DCAF6: variants seen among roughly 807,000 people sequenced by gnomAD.
DCAF6 encodes DDB1- and CUL4-associated factor 6.
DCAF6 carries 54 observed loss-of-function variants against 125.1 expected under a neutral mutation model. The observed-to-expected ratio is 0.43, with a 90% CI of 0.35 to 0.54. The LOEUF (loss-of-function observed/expected upper bound fraction) is 0.54. DCAF6 is among the 20% of genes least tolerant of loss of function. The pLI is 0.01. For synonymous variants in DCAF6, 371 were observed against 390.4 expected, an observed-to-expected ratio of 0.95 and a Z score of 0.58; for missense variants, 934 against 1,161.7, an observed-to-expected ratio of 0.80 and a Z score of 2.85.
At chr1:167,897,619 G>GAA in the DCAF6 span, among the ~76,000 whole-genome samples, 3,474 of 4,096 alleles carry the variant, frequency 0.85, 1,426 homozygotes, top group South Asian at 0.91. Flanking sequence ...GACAACATCG[G>GAA]CTGGCAACTC....
chr1:168,014,736 A>C (rs959041071), intron 10 of DCAF6, among the ~76,000 whole-genome samples: 3 of 152,184 alleles, frequency 2.0e-5, no homozygotes, highest in Admixed American at 2.0e-4. Context: ...TGTATTGCAC[A>C]TTCCTATATG....
At chr1:168,067,166 T>C (rs1692444300) in intron 20 of DCAF6, among the ~76,000 whole-genome samples, 2 of 152,226 alleles carry the variant, frequency 1.3e-5, no homozygotes, top group South Asian at 4.1e-4. Context: ...GTTAGTAAGT[T>C]GGAAAACCAC....
the DCAF6 span, chr1:167,905,206 G>T: frequency 6.5e-7 from 1 of 1,549,968 alleles, no homozygotes. Context: ...CTTCTAAAAA[G>T]AAAATTGAAA....
chr1:168,021,978 G>T (rs929223522), intron 11 of DCAF6, among the ~76,000 whole-genome samples: 5 of 152,102 alleles, frequency 3.3e-5, no homozygotes, highest in African/African-American at 1.2e-4. Flanking sequence ...ATTCTTATTG[G>T]TTGGGGAGAG....
intron 16 of DCAF6, 32 bp from the exon 17 acceptor site, chr1:168,050,856 TGTAA>T: frequency 8.1e-7 from 1 of 1,228,364 alleles, no homozygotes; most frequent in Non-Finnish European, 1.1e-6. Context: ...TTGAAGTCTT[TGTAA>T]GTGATTTCAG....
At chr1:167,976,727 T>C (rs961231147) in intron 4 of DCAF6, among the ~76,000 whole-genome samples, 2 of 152,074 alleles carry the variant, frequency 1.3e-5, no homozygotes, top group African/African-American at 4.8e-5. Context: ...TTAGTTATAT[T>C]CTGTTTTCTC....
rs1675612893 is a variant in DCAF6, at chr1:167,961,605, T to C, written c.160-5024T>C. On this transcript the variant is annotated intron_variant, in intron 2 of 21. Transcript: ENST00000367840. The stretch of plus-strand genomic sequence containing the variant: ...ATCTTGTTATCTACAAAGACCGTTT[T>C]ATTTCTTTTCCAATCTTCATACTTT... Among the ~76,000 whole-genome samples the C allele has an allele frequency of 3.3e-5, 5 of 152,354 alleles. No homozygotes were observed. The South Asian group carries it at 1.0e-3, about 32-fold the overall frequency.
intron 2 of DCAF6, among the ~76,000 whole-genome samples, chr1:167,962,079 T>C (rs1675692026): frequency 6.6e-6 from 1 of 152,216 alleles, no homozygotes; most frequent in South Asian, 2.1e-4. Flanking sequence ...TTTTATTCTT[T>C]TAAATTTGAT....
chr1:167,870,638 CAA>C, the DCAF6 span, among the ~76,000 whole-genome samples: 5 of 93,734 alleles, frequency 5.3e-5, no homozygotes, highest in Admixed American at 3.8e-4. Context: ...ACTGAAAATA[CAA>C]AAAAAAAAAA....
chr1:167,994,752 A>G (rs989824748), intron 7 of DCAF6, among the ~76,000 whole-genome samples: 1 of 152,126 alleles, frequency 6.6e-6, no homozygotes, highest in Non-Finnish European at 1.5e-5. Flanking sequence ...TTTTTATTTT[A>G]TAATGTCCTG....
chr1:167,997,844 C>G (rs973809214), intron 7 of DCAF6, among the ~76,000 whole-genome samples: 1 of 151,820 alleles, frequency 6.6e-6, no homozygotes, highest in Admixed American at 6.6e-5. Context: ...ATATATAATA[C>G]TTTTTTTTCC....
chr1:167,898,598 T>G, the DCAF6 span, among the ~76,000 whole-genome samples: 1 of 151,720 alleles, frequency 6.6e-6, no homozygotes, highest in Admixed American at 6.6e-5. Flanking sequence ...GACTCCGTTT[T>G]TTTTTTTTTA....
chr1:168,000,887 T>C (rs556113641), intron 7 of DCAF6, among the ~76,000 whole-genome samples: 2 of 152,214 alleles, frequency 1.3e-5, no homozygotes, highest in East Asian at 3.9e-4. Flanking sequence ...TCTGGGATGA[T>C]GAAAACGGTC....
the DCAF6 span, among the ~76,000 whole-genome samples, chr1:167,905,440 C>T: frequency 4.6e-5 from 7 of 152,132 alleles, no homozygotes; most frequent in East Asian, 5.8e-4. Flanking sequence ...GGTAGCTGAA[C>T]GGCTCAACTC....
chr1:168,001,565 C>G (rs190952185), intron 7 of DCAF6, among the ~76,000 whole-genome samples: 93 of 152,200 alleles, frequency 6.1e-4, no homozygotes, highest in Non-Finnish European at 1.1e-3. Flanking sequence ...AGAATTTTCT[C>G]AAGAAGCTTA....
At chr1:167,880,074 G>T in the DCAF6 span, 1 of 1,560,802 alleles carries the variant, frequency 6.4e-7, no homozygotes, top group Non-Finnish European at 8.8e-7. Flanking sequence ...AAGGTGCTGT[G>T]TTTGCAGAAA....
At chr1:168,053,583 T>C (rs757135760) in intron 17 of DCAF6, among the ~76,000 whole-genome samples, 2 of 152,192 alleles carry the variant, frequency 1.3e-5, no homozygotes. Flanking sequence ...GGCTCAGTGT[T>C]CCAAAGTTCT....
chr1:168,070,981 T>C (rs778683169), intron 21 of DCAF6, among the ~76,000 whole-genome samples: 3 of 152,220 alleles, frequency 2.0e-5, no homozygotes, highest in Non-Finnish European at 4.4e-5. Context: ...TTCTCTGTCA[T>C]GGGTTTGCAA....
intron 1 of DCAF6, among the ~76,000 whole-genome samples, chr1:167,942,572 T>G (rs187595896): frequency 3.7e-4 from 57 of 152,370 alleles, no homozygotes; most frequent in African/African-American, 1.3e-3. Flanking sequence ...GGTTCTTTTA[T>G]AGTTCATACT....
Sources: gnomAD v4.1 joint callset for allele counts (sites outside exome capture counted in the v4.1 genomes callset) on GRCh38, gnomAD v4.1.1 for gene constraint, MANE v1.5 for transcripts, NCBI Gene and HGNC (gene_info 2026-07-23, HGNC 2026-07-21) for gene names.